PCDHGB2: variants seen among roughly 807,000 people sequenced by gnomAD.
The protein encoded by PCDHGB2 is protocadherin gamma subfamily B, 2, also known as protocadherin gamma-B2.
In PCDHGB2, 55 loss-of-function variants were observed where a neutral mutation model predicts 59.3. The ratio of observed to expected loss-of-function variants is 0.93; its 90% confidence interval spans 0.75 to 1.16. PCDHGB2 has a LOEUF of 1.16. Among genes scored for constraint, PCDHGB2 ranks in the 50% most tolerant of loss-of-function variants. The pLI is 0.00. For missense variants in PCDHGB2, 1,228 were observed against 1,198.5 expected, an observed-to-expected ratio of 1.02 and a Z score of -0.36; for synonymous variants, 516 against 512.0, an observed-to-expected ratio of 1.01 and a Z score of -0.11.
At chr5:141,373,905 A>G (rs947607007) in intron 1 of PCDHGB2, 1 of 603,766 alleles carries the variant, frequency 1.7e-6, no homozygotes, top group Non-Finnish European at 2.7e-6. Context: ...TACATCCTCC[A>G]ACAACAAAGC....
chr5:141,464,911 T>G (rs2099093002), intron 1 of PCDHGB2, among the ~76,000 whole-genome samples: 1 of 151,718 alleles, frequency 6.6e-6, no homozygotes, highest in Non-Finnish European at 1.5e-5. Context: ...GCTAATTTTT[T>G]TATTTTTTTG....
chr5:141,395,248 T>A, intron 1 of PCDHGB2: 1 of 1,561,360 alleles, frequency 6.4e-7, no homozygotes, highest in Non-Finnish European at 8.7e-7. Flanking sequence ...GTGAGTTTAG[T>A]TCTTTGCTTG....
chr5:141,400,528 A>G, intron 1 of PCDHGB2: 2 of 1,613,868 alleles, frequency 1.2e-6, no homozygotes, highest in South Asian at 2.2e-5. Flanking sequence ...TGAGTTGGTG[A>G]GTTTCATTTA....
At position 141,487,488 on chromosome 5, in the gene PCDHGB2, G is replaced by A; in HGVS notation, c.2422-7319G>A. ...GATGTGGGAGGCCACTCTCATGGCT[G>A]TACACCCTTGGCTTCTGCACCCACT... On this transcript the variant is annotated intron_variant, in intron 1 of 3. Transcript: ENST00000522605. This position sits in a 1 kb window ranked among gnomAD's most constrained non-coding sequence, Gnocchi z 5.0. The A allele has an allele frequency of 6.2e-7, 1 of 1,614,204 alleles. No homozygotes were observed. The highest frequency in any genetic ancestry group is 8.5e-7 in the Non-Finnish European group (1 of 1,180,038).
intron 1 of PCDHGB2, chr5:141,372,537 C>T: frequency 1.2e-6 from 2 of 1,614,046 alleles, no homozygotes; most frequent in Non-Finnish European, 1.7e-6. Flanking sequence ...CTCCCTGCGC[C>T]TGCGATGCTC....
At chr5:141,381,990 C>T (rs1182122495) in intron 1 of PCDHGB2, among the ~76,000 whole-genome samples, 1 of 151,686 alleles carries the variant, frequency 6.6e-6, no homozygotes, top group Middle Eastern at 3.4e-3. Flanking sequence ...CCACCACGCC[C>T]GGATAATTTT....
At chr5:141,461,007 A>G (rs965754689) in intron 1 of PCDHGB2, among the ~76,000 whole-genome samples, 1 of 151,418 alleles carries the variant, frequency 6.6e-6, no homozygotes, top group Non-Finnish European at 1.5e-5. Flanking sequence ...GTGTATATAT[A>G]TATACCACAT....
intron 1 of PCDHGB2, among the ~76,000 whole-genome samples, chr5:141,425,257 G>A (rs746250240): frequency 6.6e-6 from 1 of 152,152 alleles, no homozygotes; most frequent in Non-Finnish European, 1.5e-5. Context: ...TGAGGTATTT[G>A]GCTGGGAAAA....
chr5:141,501,891 T>G (rs2099811650), intron 2 of PCDHGB2, among the ~76,000 whole-genome samples: 1 of 152,128 alleles, frequency 6.6e-6, no homozygotes, highest in Admixed American at 6.5e-5. Context: ...CTGATCATCA[T>G]GGTTCCAACC....
At chr5:141,381,854 A>T (rs1588908690) in intron 1 of PCDHGB2, among the ~76,000 whole-genome samples, 9 of 54,602 alleles carry the variant, frequency 1.6e-4, no homozygotes, top group South Asian at 5.1e-4. Context: ...TTTTTGGCAG[A>T]GTTTTGCTCT....
chr5:141,387,336 C>T (rs1351788377), intron 1 of PCDHGB2, among the ~76,000 whole-genome samples: 4 of 152,122 alleles, frequency 2.6e-5, no homozygotes, highest in African/African-American at 7.2e-5. Flanking sequence ...AATTACTGTA[C>T]TCTGAGACGG....
At chr5:141,364,212 A>T in intron 1 of PCDHGB2, 1 of 1,252,416 alleles carries the variant, frequency 8.0e-7, no homozygotes, top group South Asian at 1.7e-5. Flanking sequence ...ACAAGCTCCT[A>T]CGAAAAGCCA....
intron 1 of PCDHGB2, chr5:141,414,324 T>G (rs2095735584): frequency 6.2e-7 from 1 of 1,613,758 alleles, no homozygotes; most frequent in South Asian, 1.1e-5. Context: ...CTGAGCAGAA[T>G]GGACAGGTAA....
intron 1 of PCDHGB2, among the ~76,000 whole-genome samples, chr5:141,460,888 C>T (rs530320189): frequency 1.3e-5 from 2 of 149,792 alleles, no homozygotes; most frequent in East Asian, 2.0e-4. Context: ...CATGCCTTTT[C>T]GTGGCTGAGT....
At chr5:141,389,547 G>A in intron 1 of PCDHGB2, 1 of 1,613,252 alleles carries the variant, frequency 6.2e-7, no homozygotes, top group East Asian at 2.2e-5. Context: ...CGACCGCAAC[G>A]ACAATGCGCC....
chr5:141,491,659 G>A lies in PCDHGB2; in HGVS notation c.2422-3148G>A. On this transcript the variant is annotated intron_variant, in intron 1 of 3. Transcript: ENST00000522605. This position sits in a 1 kb window ranked among gnomAD's most constrained non-coding sequence, Gnocchi z 6.9. ...CACAGCTCTGGCGCTGGAGCCTGACGCCATCCGGTCCCGCTCTAATACGCT... is the reference window on the plus strand; with the variant it reads ...CACAGCTCTGGCGCTGGAGCCTGACACCATCCGGTCCCGCTCTAATACGCT... 6.2e-7 allele frequency: 1 copy of A among 1,613,766 alleles called. No homozygotes were observed. The highest frequency in any genetic ancestry group is 8.5e-7 in the Non-Finnish European group (1 of 1,180,004).
At position 141,491,381 on chromosome 5, in the gene PCDHGB2, C is replaced by CT. The variant is rs1554177905; in HGVS notation, c.2422-3426_2422-3425insT. The CT allele has an allele frequency of 2.8e-5, 45 of 1,614,068 alleles. No individual in the cohort carries two copies. Among genetic ancestry groups the CT allele is most frequent in the Non-Finnish European group, 3.5e-5 (41 of 1,179,950 alleles). On this transcript the variant is annotated intron_variant, in intron 1 of 3. Coordinates refer to ENST00000522605, the MANE Select transcript of PCDHGB2 (RefSeq NM_018923.3). This position sits in a 1 kb window ranked among gnomAD's most constrained non-coding sequence, Gnocchi z 6.9. ...CTAGTCACCTTCACCTTTCTGTCAG[C>CT]GAAGTGCCTTCAGGGAAACGCAGAC...
intron 1 of PCDHGB2, among the ~76,000 whole-genome samples, chr5:141,468,000 C>G (rs1429450909): frequency 6.6e-6 from 1 of 152,028 alleles, no homozygotes; most frequent in East Asian, 1.9e-4. Flanking sequence ...ATTCTTTCTT[C>G]CTCTGTTATA....
At chr5:141,430,985 G>T (rs773308629) in intron 1 of PCDHGB2, 4 of 1,613,780 alleles carry the variant, frequency 2.5e-6, no homozygotes, top group Non-Finnish European at 3.4e-6. Flanking sequence ...GCAGCTTTTC[G>T]CCCTGAATCC....
Sources: gnomAD v4.1 joint callset for allele counts (sites outside exome capture counted in the v4.1 genomes callset) on GRCh38, gnomAD v4.1.1 for gene constraint, Gnocchi (gnomAD v3.1) non-coding constraint, MANE v1.5 for transcripts, NCBI Gene and HGNC (gene_info 2026-07-23, HGNC 2026-07-21) for gene names.